SSH2: variants seen among roughly 807,000 people sequenced by gnomAD.
SSH2 encodes slingshot protein phosphatase 2, also known as protein phosphatase Slingshot homolog 2.
SSH2 carries 37 observed loss-of-function variants against 135.2 expected under a neutral mutation model. The ratio of observed to expected loss-of-function variants is 0.27; its 90% confidence interval spans 0.21 to 0.36. The LOEUF is 0.36. SSH2 is among the 10% of genes least tolerant of loss of function. The pLI is 1.00. For synonymous variants in SSH2, 628 were observed against 646.2 expected (o/e 0.97, Z 0.43); for missense variants, 1,408 against 1,765.3 (o/e 0.80, Z 3.63).
intron 4 of SSH2, among the ~76,000 whole-genome samples, chr17:29,701,131 C>T (rs762318316): frequency 4.6e-5 from 7 of 152,040 alleles, no homozygotes; most frequent in East Asian, 1.9e-4. Flanking sequence ...CCACCATGTC[C>T]GGCTAATTTT....
At chr17:29,884,671 C>T (rs2066200833) in intron 1 of SSH2, among the ~76,000 whole-genome samples, 3 of 152,214 alleles carry the variant, frequency 2.0e-5, no homozygotes, top group South Asian at 2.1e-4. Flanking sequence ...CTGCCATCTA[C>T]TCAGCCCAAC....
chr17:29,859,949 C>T (rs1009258251), intron 1 of SSH2, among the ~76,000 whole-genome samples: 3 of 152,056 alleles, frequency 2.0e-5, no homozygotes, highest in South Asian at 4.1e-4. Context: ...TGAGTTCAAG[C>T]GATTCTCCTG....
At chr17:29,882,001 T>TA (rs2066146043) in intron 1 of SSH2, among the ~76,000 whole-genome samples, 1 of 152,222 alleles carries the variant, frequency 6.6e-6, no homozygotes, top group Non-Finnish European at 1.5e-5. Context: ...ATTTGCTTCT[T>TA]AAGATGTACA....
chr17:29,722,005 A>G (rs1282830548), intron 3 of SSH2, among the ~76,000 whole-genome samples: 3 of 152,210 alleles, frequency 2.0e-5, no homozygotes, highest in Admixed American at 6.5e-5. Flanking sequence ...GGCCGGATGC[A>G]GTGGCTCACG....
chr17:29,837,985 G>A (rs1036666171), intron 2 of SSH2, among the ~76,000 whole-genome samples: 3 of 152,192 alleles, frequency 2.0e-5, no homozygotes, highest in Admixed American at 6.5e-5. Flanking sequence ...GAGCAGGCGG[G>A]AGCCCTGCCC....
intron 1 of SSH2, among the ~76,000 whole-genome samples, chr17:29,919,715 T>G (rs1157574908): frequency 6.6e-6 from 1 of 152,000 alleles, no homozygotes; most frequent in African/African-American, 2.4e-5. Context: ...TTGGAAATAC[T>G]TTCCCTACTA....
At chr17:29,684,460 G>A (rs1164350722) in intron 6 of SSH2, 103 bp downstream of exon 6, 35 of 1,136,264 alleles carry the variant, frequency 3.1e-5, no homozygotes, top group African/African-American at 5.0e-5. Flanking sequence ...CTGGGCAACA[G>A]AGTGATGACA....
intron 1 of SSH2, among the ~76,000 whole-genome samples, chr17:29,898,604 T>C (rs1184335858): frequency 6.6e-6 from 1 of 151,942 alleles, no homozygotes; most frequent in African/African-American, 2.4e-5. Context: ...TCTGAATAGA[T>C]CAATAACAGG....
intron 1 of SSH2, among the ~76,000 whole-genome samples, chr17:29,883,910 A>C (rs1218192317): frequency 2.0e-5 from 3 of 152,154 alleles, no homozygotes; most frequent in Non-Finnish European, 4.4e-5. Context: ...ATCTAGATAT[A>C]ATCCTTTTTC....
chr17:29,719,049 T>C (rs748370942), intron 3 of SSH2, among the ~76,000 whole-genome samples: 6 of 152,106 alleles, frequency 3.9e-5, no homozygotes, highest in Non-Finnish European at 5.9e-5. Context: ...AGGAGGGGAC[T>C]ATACAAGGAT....
At chr17:29,716,933 A>G (rs2039644358) in intron 3 of SSH2, among the ~76,000 whole-genome samples, 1 of 152,078 alleles carries the variant, frequency 6.6e-6, no homozygotes, top group Admixed American at 6.6e-5. Flanking sequence ...TCTGTTCTTC[A>G]TTTAATACCT....
rs2151033777 is a variant in SSH2, at chr17:29,667,077, T to A, written c.903+53A>T. ...CATGCACTATTTCCAGCCCCACACC[T>A]ACTGTTATCCCACTGCTAGCCTTGG... On this transcript the variant is annotated intron_variant, in intron 10 of 15. Coordinates refer to ENST00000540801, the MANE Select transcript of SSH2 (RefSeq NM_001282129.2). The A allele has an allele frequency of 3.7e-6, 6 of 1,604,232 alleles. No individual in the cohort carries two copies. In the East Asian group the frequency reaches 1.3e-4, roughly 36 times the overall value.
At chr17:29,698,048 G>A (rs1449379921) in intron 4 of SSH2, among the ~76,000 whole-genome samples, 2 of 152,158 alleles carry the variant, frequency 1.3e-5, no homozygotes, top group African/African-American at 2.4e-5. Context: ...CTATACCATG[G>A]ATGACCTTTG....
At chr17:29,904,568 A>G (rs1211639919) in intron 1 of SSH2, among the ~76,000 whole-genome samples, 2 of 152,208 alleles carry the variant, frequency 1.3e-5, no homozygotes, top group Admixed American at 1.3e-4. Flanking sequence ...AAAAGCTGGA[A>G]GCATTCCCCT....
chr17:29,902,183 G>A (rs961122793), intron 1 of SSH2, among the ~76,000 whole-genome samples: 6 of 152,138 alleles, frequency 3.9e-5, no homozygotes, highest in African/African-American at 1.4e-4. Context: ...TATGATACAT[G>A]AAACTTAAAA....
At chr17:29,896,730 C>T (rs191518938) in intron 1 of SSH2, among the ~76,000 whole-genome samples, 1 of 151,688 alleles carries the variant, frequency 6.6e-6, no homozygotes, top group African/African-American at 2.4e-5. Context: ...GCAGCCTACA[C>T]ATTTAAATAT....
chr17:29,644,380 A>G (rs1164232662), intron 14 of SSH2, among the ~76,000 whole-genome samples: 2 of 152,322 alleles, frequency 1.3e-5, no homozygotes, highest in East Asian at 3.9e-4. Context: ...GCCTTTCTCT[A>G]ACAAGAGTCT....
At chr17:29,925,411 T>C (rs1476382884) in intron 1 of SSH2, 5 of 397,222 alleles carry the variant, frequency 1.3e-5, no homozygotes, top group African/African-American at 2.1e-5. Flanking sequence ...TCAATAATAA[T>C]ATATTGTAGA....
intron 3 of SSH2, among the ~76,000 whole-genome samples, chr17:29,781,203 T>G (rs747491345): frequency 4.6e-5 from 7 of 152,190 alleles, no homozygotes; most frequent in Non-Finnish European, 1.0e-4. Context: ...AGAAATAAAT[T>G]TGTCCTCTTT....
Sources: allele counts gnomAD v4.1 joint callset (sites outside exome capture counted in the v4.1 genomes callset), GRCh38; gene constraint gnomAD v4.1.1; transcripts MANE v1.5; gene names NCBI Gene and HGNC (gene_info 2026-07-23, HGNC 2026-07-21).